The following SOX5 variants were observed in gnomAD, a reference collection of about 807,000 sequenced individuals.
SOX5 encodes SRY-box transcription factor 5, also known as transcription factor SOX-5.
A neutral mutation model predicts 92.0 loss-of-function variants in SOX5; 9 were observed. The ratio of observed to expected loss-of-function variants is 0.10; its 90% CI spans 0.06 to 0.17. The LOEUF (loss-of-function observed/expected upper bound fraction) is 0.17, where lower values mean the gene tolerates loss of function less well. SOX5 is among the 10% of genes least tolerant of loss of function. SOX5 has a pLI of 1.00. For synonymous variants in SOX5, 344 were observed against 336.3 expected, an observed-to-expected ratio of 1.02 and a Z score of -0.25; for missense variants, 642 against 944.5, an observed-to-expected ratio of 0.68 and a Z score of 4.20.
intron 4 of SOX5, among the ~76,000 whole-genome samples, chr12:23,998,089 T>C (rs1205144688): frequency 1.3e-5 from 2 of 152,004 alleles, no homozygotes; most frequent in South Asian, 2.1e-4. Context: ...AAAAATAAGC[T>C]AATAGAAACT....
intron 1 of SOX5, among the ~76,000 whole-genome samples, chr12:23,929,888 T>C (rs1290375951): frequency 6.6e-6 from 1 of 151,884 alleles, no homozygotes; most frequent in African/African-American, 2.4e-5. Context: ...AAGAGGATAA[T>C]AACAACAGTT....
At chr12:23,585,864 G>A (rs753877745) in intron 9 of SOX5, among the ~76,000 whole-genome samples, 4 of 152,198 alleles carry the variant, frequency 2.6e-5, no homozygotes, top group Admixed American at 6.5e-5. Context: ...TGTCGCCCCC[G>A]TGTGTGGGTG....
At chr12:23,755,063 A>T (rs981197355) in intron 4 of SOX5, among the ~76,000 whole-genome samples, 1 of 151,800 alleles carries the variant, frequency 6.6e-6, no homozygotes, top group Non-Finnish European at 1.5e-5. Flanking sequence ...TTATATGAGG[A>T]AATTAAATCT....
At chr12:23,797,952 T>G (rs1032057183) in intron 3 of SOX5, among the ~76,000 whole-genome samples, 6 of 151,986 alleles carry the variant, frequency 3.9e-5, no homozygotes, top group African/African-American at 1.4e-4. Flanking sequence ...GGTTTTGTTT[T>G]TTGTTCTCTT....
At chr12:24,042,366 T>C (rs1430349638) in intron 4 of SOX5, among the ~76,000 whole-genome samples, 1 of 152,090 alleles carries the variant, frequency 6.6e-6, no homozygotes, top group Non-Finnish European at 1.5e-5. Context: ...ACCATATTTA[T>C]CCTGGCCTGG....
chr12:23,938,520 AGTT>A (rs1943035126), intron 1 of SOX5, among the ~76,000 whole-genome samples: 1 of 151,062 alleles, frequency 6.6e-6, no homozygotes, highest in Non-Finnish European at 1.5e-5. Flanking sequence ...CACTGTTTTC[AGTT>A]GTTCAATCAT....
chr12:24,156,503 T>C (rs1240287693), intron 4 of SOX5, among the ~76,000 whole-genome samples: 1 of 152,188 alleles, frequency 6.6e-6, no homozygotes, highest in African/African-American at 2.4e-5. Flanking sequence ...TTTCTGTTCC[T>C]GTATTCATTC....
intron 4 of SOX5, among the ~76,000 whole-genome samples, chr12:24,063,510 T>C (rs1940125028): frequency 6.6e-6 from 1 of 152,260 alleles, no homozygotes; most frequent in Non-Finnish European, 1.5e-5. Context: ...TTAATTCATT[T>C]GCCACTTGTC....
At chr12:23,613,857 G>C (rs2137833353) in intron 8 of SOX5, among the ~76,000 whole-genome samples, 1 of 152,282 alleles carries the variant, frequency 6.6e-6, no homozygotes, top group East Asian at 1.9e-4. Flanking sequence ...GTTTTCAGGG[G>C]CTCAGGGGAG....
intron 2 of SOX5, among the ~76,000 whole-genome samples, chr12:24,340,485 C>T (rs556852616): frequency 6.6e-6 from 1 of 152,282 alleles, no homozygotes; most frequent in South Asian, 2.1e-4. Flanking sequence ...AACAAGTAAA[C>T]ATTGCCATTT....
intron 10 of SOX5, among the ~76,000 whole-genome samples, 189 bp downstream of exon 10, chr12:23,575,472 C>A (rs1210234249): frequency 2.0e-5 from 3 of 152,164 alleles, no homozygotes; most frequent in Non-Finnish European, 4.4e-5. Context: ...TTCAGGAGGG[C>A]ATTATAACTT....
At chr12:24,252,097 A>G (rs1940194142) in intron 3 of SOX5, among the ~76,000 whole-genome samples, 1 of 152,208 alleles carries the variant, frequency 6.6e-6, no homozygotes, top group South Asian at 2.1e-4. Context: ...CAGTGAAGAA[A>G]TGGTGGGAAA....
chr12:23,680,687 A>G (rs1250344929), intron 6 of SOX5, among the ~76,000 whole-genome samples: 1 of 152,100 alleles, frequency 6.6e-6, no homozygotes, highest in Non-Finnish European at 1.5e-5. Flanking sequence ...AAATGAGAGG[A>G]AAAGGTCAGT....
intron 2 of SOX5, among the ~76,000 whole-genome samples, chr12:24,282,097 T>C (rs1231850012): frequency 2.6e-5 from 4 of 152,230 alleles, no homozygotes; most frequent in African/African-American, 7.2e-5. Flanking sequence ...AATTCCGTAG[T>C]ACTTTGCTAT....
chr12:24,514,113 C>T (rs974035423), intron 1 of SOX5, among the ~76,000 whole-genome samples: 3 of 152,192 alleles, frequency 2.0e-5, no homozygotes, highest in Non-Finnish European at 2.9e-5. Context: ...AACAACAGGG[C>T]CTTTCAACAA....
At chr12:24,296,818 TA>T (rs34459785) in intron 2 of SOX5, among the ~76,000 whole-genome samples, 149 of 137,404 alleles carry the variant, frequency 1.1e-3, no homozygotes, top group East Asian at 5.9e-3. Context: ...ACATTGTTCT[TA>T]AAAAAAAAAA....
chr12:24,349,972 T>C (rs746677905), intron 2 of SOX5, among the ~76,000 whole-genome samples: 2 of 152,222 alleles, frequency 1.3e-5, no homozygotes, highest in Non-Finnish European at 2.9e-5. Context: ...CATTTTAGCA[T>C]GTTTCTATCT....
chr12:23,828,555 T>G (rs2096268005), intron 3 of SOX5, among the ~76,000 whole-genome samples: 1 of 152,186 alleles, frequency 6.6e-6, no homozygotes, highest in Non-Finnish European at 1.5e-5. Context: ...TGTGCCATTT[T>G]CAGTATTCTG....
At chr12:24,307,889 C>A (rs912296649) in intron 2 of SOX5, among the ~76,000 whole-genome samples, 1 of 152,078 alleles carries the variant, frequency 6.6e-6, no homozygotes, top group African/African-American at 2.4e-5. Flanking sequence ...CAGGCATGAA[C>A]AGGGCAGGAG....
Sources: allele counts gnomAD v4.1 joint callset (sites outside exome capture counted in the v4.1 genomes callset), GRCh38; gene constraint gnomAD v4.1.1; transcripts MANE v1.5; gene names NCBI Gene and HGNC (gene_info 2026-07-23, HGNC 2026-07-21).